Variants in PDZRN3 observed in about 807,000 individuals in gnomAD.
The protein encoded by PDZRN3 is E3 ubiquitin-protein ligase PDZRN3.
In PDZRN3, 38 loss-of-function variants were observed where a neutral mutation model predicts 85.7. The observed-to-expected ratio is 0.44, with a 90% confidence interval of 0.34 to 0.58. The LOEUF (loss-of-function observed/expected upper bound fraction) is 0.58. Among genes scored for constraint, PDZRN3 ranks in the 20% least tolerant of loss-of-function variants. The pLI, the probability that PDZRN3 is intolerant of heterozygous loss-of-function variation, is 0.01. For synonymous variants in PDZRN3, 759 were observed against 638.0 expected, an observed-to-expected ratio of 1.19 and a Z score of -2.86; for missense variants, 1,629 against 1,506.4, an observed-to-expected ratio of 1.08 and a Z score of -1.35.
intron 3 of PDZRN3, among the ~76,000 whole-genome samples, chr3:73,460,896 C>T (rs952409614): frequency 6.6e-6 from 1 of 152,050 alleles, no homozygotes; most frequent in Non-Finnish European, 1.5e-5. Flanking sequence ...CAGGTTCAAG[C>T]AATTCTCCTG....
intron 3 of PDZRN3, among the ~76,000 whole-genome samples, chr3:73,427,554 A>G (rs1488983345): frequency 1.3e-5 from 2 of 152,064 alleles, no homozygotes; most frequent in Non-Finnish European, 2.9e-5. Flanking sequence ...TCTGCATGCC[A>G]TGGCAGGTGG....
intron 1 of PDZRN3, among the ~76,000 whole-genome samples, chr3:73,619,173 C>T: frequency 6.6e-6 from 1 of 152,126 alleles, no homozygotes; most frequent in East Asian, 1.9e-4. Flanking sequence ...GAAACTCATT[C>T]TTTTTAAACA....
At chr3:73,459,377 CA>C (rs933046756) in intron 3 of PDZRN3, among the ~76,000 whole-genome samples, 5 of 152,068 alleles carry the variant, frequency 3.3e-5, no homozygotes, top group African/African-American at 1.2e-4. Context: ...ATTTTAAGTT[CA>C]AGGGTACATG....
At chr3:73,560,602 G>A (rs1701795982) in intron 3 of PDZRN3, among the ~76,000 whole-genome samples, 2 of 152,212 alleles carry the variant, frequency 1.3e-5, no homozygotes, top group Non-Finnish European at 2.9e-5. Flanking sequence ...TCAAAGGGTT[G>A]TTTAAATGTT....
intron 4 of PDZRN3, among the ~76,000 whole-genome samples, chr3:73,402,941 C>CTTTTTTTTTTTTTTTT (rs140037400): frequency 2.0e-4 from 23 of 115,646 alleles, no homozygotes; most frequent in African/African-American, 2.6e-4. Context: ...ACATGAAAAG[C>CTTTTTTTTTTTTTTTT]TTTTTTTTTT....
intron 3 of PDZRN3, among the ~76,000 whole-genome samples, chr3:73,478,842 A>G (rs1339639751): frequency 6.6e-6 from 1 of 152,252 alleles, no homozygotes; most frequent in African/African-American, 2.4e-5. Context: ...GTTATAACCC[A>G]CAAGAGATTA....
At chr3:73,557,477 T>G (rs1701725402) in intron 3 of PDZRN3, among the ~76,000 whole-genome samples, 2 of 152,358 alleles carry the variant, frequency 1.3e-5, no homozygotes, top group South Asian at 4.1e-4. Context: ...AAATTGAGCA[T>G]GTGGTTATTC....
intron 3 of PDZRN3, among the ~76,000 whole-genome samples, chr3:73,553,190 A>T (rs1176018050): frequency 6.6e-6 from 1 of 152,234 alleles, no homozygotes; most frequent in Non-Finnish European, 1.5e-5. Flanking sequence ...TGGGAAGGTC[A>T]TGCACCAAGT....
intron 3 of PDZRN3, chr3:73,561,371 T>G (rs1701811134): frequency 6.6e-6 from 1 of 152,206 alleles, no homozygotes; most frequent in Non-Finnish European, 1.5e-5. Flanking sequence ...AAGCTGCATT[T>G]TTGTCCAGTG....
chr3:73,402,971 T>A lies in PDZRN3; in HGVS notation c.1166+1177A>T, dbSNP rs1478788805. Among the ~76,000 whole-genome samples the A allele has an allele frequency of 3.6e-5, 5 of 137,524 alleles. No homozygotes were observed. In the Admixed American group the frequency reaches 4.0e-4, roughly 11 times the overall value. The allele number at this position is 137,524 out of a possible 152,430, so 90.2% of individuals were successfully genotyped here. A position where few individuals can be genotyped will look rare whatever the true frequency, so the allele number is the denominator to read the frequency against. The stretch of plus-strand genomic sequence containing the variant: ...TTTTTTTTTTTTTTTTGAGACGGAG[T>A]CTCGCTCTGTTGCCCAGGCTGGAGT... On this transcript the variant is annotated intron_variant, in intron 4 of 9. Coordinates refer to ENST00000263666, the MANE Select transcript of PDZRN3 (RefSeq NM_015009.3).
chr3:73,513,038 C>T (rs1370509829), intron 3 of PDZRN3, among the ~76,000 whole-genome samples: 1 of 152,090 alleles, frequency 6.6e-6, no homozygotes, highest in Non-Finnish European at 1.5e-5. Context: ...GTACCAAGGG[C>T]CAGTTCCCAG....
At chr3:73,499,223 T>C (rs1481596137) in intron 3 of PDZRN3, among the ~76,000 whole-genome samples, 3 of 152,216 alleles carry the variant, frequency 2.0e-5, no homozygotes, top group East Asian at 1.9e-4. Flanking sequence ...CTCTGGGCAC[T>C]GGTTACAAAC....
At chr3:73,451,169 G>A (rs894298038) in intron 3 of PDZRN3, among the ~76,000 whole-genome samples, 2 of 152,122 alleles carry the variant, frequency 1.3e-5, no homozygotes, top group African/African-American at 4.8e-5. Flanking sequence ...TACTTCTTCC[G>A]GGTGGGGAGC....
At chr3:73,496,089 A>T (rs1025221857) in intron 3 of PDZRN3, among the ~76,000 whole-genome samples, 4 of 149,822 alleles carry the variant, frequency 2.7e-5, no homozygotes, top group Non-Finnish European at 5.9e-5. Flanking sequence ...TATGCACTTG[A>T]AAAAAAAAAC....
rs766060087 is a variant in PDZRN3 at position 73,624,653 on chromosome 3, C to T, written c.173G>A (p.Gly58Asp). The T allele has an allele frequency of 3.3e-6, 5 of 1,533,914 alleles. No individual in the cohort carries two copies. In the African/African-American group the frequency reaches 4.3e-5, roughly 13 times the overall value. ...QEGSCPARCR[G>D]RLSAKELNHV... ...GTTGAGCTCTTTGGCCGACAGGCGA[C>T]CGCGGCAGCGCGCCGGGCAGCTGCC... The change falls in exon 1 of 10, where the codon GGT becomes GAT. Residue 58 changes from glycine (G) to aspartate (D), a missense_variant. Coordinates refer to ENST00000263666, the MANE Select transcript of PDZRN3 (RefSeq NM_015009.3).
intron 8 of PDZRN3, among the ~76,000 whole-genome samples, chr3:73,387,158 C>A (rs1325410045): frequency 1.3e-5 from 2 of 152,218 alleles, no homozygotes; most frequent in Admixed American, 6.5e-5. Flanking sequence ...CCATGTGGAA[C>A]TGTGAGTCCA....
rs963959318 is a variant in PDZRN3, at chr3:73,383,869, C to G, written c.2697G>C (p.Gln899His). ...CCTTGCACATGCTCACCAGGCTCAT[C>G]TGGCTTTGCGCGTACTCCACGGCCG... Reference protein sequence around the residue: ...QKSAVEYAQSQMSLVSMCKDL... With the variant: ...QKSAVEYAQSHMSLVSMCKDL... Residue 899 changes from glutamine to histidine, a missense_variant, in exon 10 of 10, where the codon CAG (glutamine) becomes CAC (histidine). Transcript: ENST00000263666. 6 of 1,613,498 alleles carry G rather than the reference C, an allele frequency of 3.7e-6. No homozygotes were observed. The African/African-American group carries it at 8.0e-5, about 22-fold the overall frequency.
chr3:73,520,232 G>A (rs1372743156), intron 3 of PDZRN3, among the ~76,000 whole-genome samples: 5 of 152,156 alleles, frequency 3.3e-5, no homozygotes, highest in Non-Finnish European at 5.9e-5. Flanking sequence ...GGCCAGGTGT[G>A]GTGGCTCACA....
At chr3:73,531,094 C>CA (rs974791739) in intron 3 of PDZRN3, among the ~76,000 whole-genome samples, 5 of 151,574 alleles carry the variant, frequency 3.3e-5, no homozygotes, top group African/African-American at 7.3e-5. Flanking sequence ...ACTAAAAATA[C>CA]AAAAAAATTA....
Sources: gnomAD v4.1 joint callset for allele counts (sites outside exome capture counted in the v4.1 genomes callset) on GRCh38, gnomAD v4.1.1 for gene constraint, MANE v1.5 for transcripts, NCBI Gene and HGNC (gene_info 2026-07-23, HGNC 2026-07-21) for gene names.